AVEN: variants seen among roughly 807,000 people sequenced by gnomAD.
The protein encoded by AVEN is cell death regulator Aven.
Under a neutral mutation model 38.1 loss-of-function variants are expected in AVEN, and 41 were observed. The ratio of observed to expected loss-of-function variants is 1.08; its 90% CI spans 0.84 to 1.40. AVEN has a LOEUF of 1.40. AVEN is among the 40% of genes most tolerant of loss of function. AVEN has a pLI of 0.00. For synonymous variants in AVEN, 206 were observed against 171.8 expected (o/e 1.20, Z -1.56); for missense variants, 605 against 438.8 (o/e 1.38, Z -3.38).
In AVEN at chr15:33,990,091, C is replaced by A. The variant is rs184517875; in HGVS notation, c.445+12941G>T. ...TGGTGGTGGGCGCCTATAATCCCAG[C>A]TACTCAGGAGGCTGAGGCAGGAGAA... On this transcript the variant is annotated intron_variant, in intron 2 of 5. Transcript: ENST00000306730. Among the ~76,000 whole-genome samples the A allele has an allele frequency of 6.2e-3, 939 of 151,994 alleles. 7 individuals are homozygous for A. Among genetic ancestry groups the A allele is most frequent in the African/African-American group, 0.02 (832 of 41,414 alleles).
chr15:33,967,139 T>C (rs1374456941), intron 2 of AVEN, among the ~76,000 whole-genome samples: 1 of 152,152 alleles, frequency 6.6e-6, no homozygotes, highest in African/African-American at 2.4e-5. Flanking sequence ...ATTCTAAAGA[T>C]ATGTTCTCTT....
intron 5 of AVEN, among the ~76,000 whole-genome samples, chr15:34,050,419 G>C (rs928169153): frequency 2.6e-5 from 4 of 152,172 alleles, no homozygotes; most frequent in Non-Finnish European, 5.9e-5. Flanking sequence ...ACAGACCAGT[G>C]ACATTATGAA....
chr15:33,854,216 G>C (rs951821310), downstream of AVEN, among the ~76,000 whole-genome samples: 2 of 151,196 alleles, frequency 1.3e-5, no homozygotes, highest in Non-Finnish European at 2.9e-5. Flanking sequence ...AAAAATTCAG[G>C]CTATGTGATT....
chr15:33,862,443 G>C (rs943168415), downstream of AVEN, among the ~76,000 whole-genome samples: 1 of 152,032 alleles, frequency 6.6e-6, no homozygotes, highest in African/African-American at 2.4e-5. Flanking sequence ...CTGAGCTCAA[G>C]CTATCCACCC....
Position 33,983,207 on chromosome 15 carries a change from TATATATAC to T in AVEN, c.445+19817_445+19824del, listed in dbSNP as rs1394971665. On this transcript the variant is annotated intron_variant, in intron 2 of 5. Coordinates refer to ENST00000306730, the MANE Select transcript of AVEN (RefSeq NM_020371.3). Reference sequence around the variant, plus strand: ...ACGTGTGTGTATGTGTGTGTATATATATATATACATATATATACACACACATACACACA... The same window carrying T: ...ACGTGTGTGTATGTGTGTGTATATATATATATATACACACACATACACACA... 4.2e-3 allele frequency among the ~76,000 whole-genome samples: 68 copies of T among 16,356 alleles called. 1 individual carries two copies. The East Asian group carries it at 0.1, about 25-fold the overall frequency. 10.7% of individuals were successfully genotyped at this position (16,356 alleles called of 152,430 possible).
At chr15:34,046,176 G>A (rs553356522) in intron 5 of AVEN, among the ~76,000 whole-genome samples, 1 of 152,130 alleles carries the variant, frequency 6.6e-6, no homozygotes, top group East Asian at 1.9e-4. Flanking sequence ...AGTTTATTGT[G>A]GAAAACATTC....
chr15:33,865,223 A>G (rs370824147), downstream of AVEN: 19 of 1,610,312 alleles, frequency 1.2e-5, no homozygotes, highest in Non-Finnish European at 1.4e-5. Context: ...ATCAGCTTGG[A>G]TAAATCTGAA....
At chr15:33,878,204 T>C (rs1597182305) in intron 2 of AVEN, among the ~76,000 whole-genome samples, 1 of 152,224 alleles carries the variant, frequency 6.6e-6, no homozygotes, top group East Asian at 1.9e-4. Flanking sequence ...CAAATTCATT[T>C]TTTAAAATAT....
At chr15:33,858,321 C>G (rs1304427691), downstream of AVEN, 1 of 177,146 alleles carries the variant, frequency 5.6e-6, no homozygotes, top group South Asian at 1.3e-4. Context: ...TCTTCTGCCT[C>G]AGCCTCCCTA....
At chr15:34,020,277 C>G (rs1242032527) in intron 1 of AVEN, among the ~76,000 whole-genome samples, 2 of 151,288 alleles carry the variant, frequency 1.3e-5, no homozygotes, top group Non-Finnish European at 2.9e-5. Context: ...CACCACTGCA[C>G]TCTAGCCTGG....
At chr15:34,018,033 CAAT>C (rs1898022878) in intron 1 of AVEN, among the ~76,000 whole-genome samples, 1 of 152,168 alleles carries the variant, frequency 6.6e-6, no homozygotes, top group Admixed American at 6.5e-5. Context: ...ATAATACTGA[CAAT>C]GATACTAAAT....
In AVEN at chr15:34,063,467, C is replaced by T. The variant is rs1466685777; in HGVS notation, n.1127-35G>A. On this transcript the variant is annotated intron_variant and non_coding_transcript_variant, in intron 4 of 11. Transcript: ENST00000675287. This position sits in a 1 kb window ranked among gnomAD's most constrained non-coding sequence, Gnocchi z 4.1. ...GAAAGCCAGCTCATAGGGCTCTGTT[C>T]AGATCCTGCTTGCGCTGTCCTCGAC... 1.2e-6 allele frequency: 2 copies of T among 1,613,728 alleles called. No individual in the cohort carries two copies. Among genetic ancestry groups the T allele is most frequent in the Non-Finnish European group, 1.7e-6 (2 of 1,180,044 alleles).
intron 2 of AVEN, among the ~76,000 whole-genome samples, chr15:33,920,127 T>A (rs1228816319): frequency 6.6e-6 from 1 of 152,170 alleles, no homozygotes; most frequent in Admixed American, 6.5e-5. Flanking sequence ...TCTTCTTCTA[T>A]ATGCAACAGG....
chr15:33,952,224 C>T (rs903223695), intron 2 of AVEN, among the ~76,000 whole-genome samples: 1 of 152,122 alleles, frequency 6.6e-6, no homozygotes, highest in Admixed American at 6.5e-5. Context: ...GTCAGCCTGT[C>T]TTCCACATCA....
chr15:33,981,107 C>A (rs672065), intron 2 of AVEN, among the ~76,000 whole-genome samples: 2 of 152,066 alleles, frequency 1.3e-5, no homozygotes, highest in East Asian at 1.9e-4. Flanking sequence ...GGACAGCAAC[C>A]CCTCTTAATT....
intron 2 of AVEN, among the ~76,000 whole-genome samples, chr15:33,913,128 A>C (rs1892982994): frequency 6.6e-6 from 1 of 152,128 alleles, no homozygotes; most frequent in Non-Finnish European, 1.5e-5. Flanking sequence ...ACCTCAGGTG[A>C]TTCACCCGCC....
chr15:33,950,548 A>C (rs372009765), intron 2 of AVEN, among the ~76,000 whole-genome samples: 17 of 152,352 alleles, frequency 1.1e-4, no homozygotes, highest in African/African-American at 3.6e-4. Context: ...TGAACTTGTG[A>C]GAGGTGGAAG....
At chr15:34,030,550 G>C (rs1898736988) in intron 1 of AVEN, among the ~76,000 whole-genome samples, 1 of 152,004 alleles carries the variant, frequency 6.6e-6, no homozygotes, top group African/African-American at 2.4e-5. Context: ...GTTTCATTGT[G>C]TTAGGCTGAC....
At chr15:33,997,981 C>T (rs902664368) in intron 2 of AVEN, among the ~76,000 whole-genome samples, 3 of 152,130 alleles carry the variant, frequency 2.0e-5, no homozygotes, top group Non-Finnish European at 4.4e-5. Flanking sequence ...ACTATACTTT[C>T]CCACTTCCTT....
Sources: gnomAD v4.1 joint callset for allele counts (sites outside exome capture counted in the v4.1 genomes callset) on GRCh38, gnomAD v4.1.1 for gene constraint, Gnocchi (gnomAD v3.1) non-coding constraint, MANE v1.5 for transcripts, NCBI Gene and HGNC (gene_info 2026-07-23, HGNC 2026-07-21) for gene names.